Variants in WDR11 observed in about 807,000 individuals in gnomAD.
WDR11 encodes the protein WD repeat-containing protein 11.
Under a neutral mutation model 151.2 loss-of-function variants are expected in WDR11, and 83 were observed. The ratio of observed to expected loss-of-function variants is 0.55; its 90% confidence interval spans 0.46 to 0.66. WDR11 has a LOEUF of 0.66. WDR11 is among the 30% of genes least tolerant of loss of function. The pLI, the probability that WDR11 is intolerant of heterozygous loss-of-function variation, is 0.00. For missense variants in WDR11, 1,301 were observed against 1,480.9 expected, an observed-to-expected ratio of 0.88 and a Z score of 1.99; for synonymous variants, 484 against 533.1, an observed-to-expected ratio of 0.91 and a Z score of 1.27.
At chr10:120,897,887 G>A (rs1043508892) in intron 19 of WDR11, among the ~76,000 whole-genome samples, 1 of 151,922 alleles carries the variant, frequency 6.6e-6, no homozygotes, top group Non-Finnish European at 1.5e-5. Flanking sequence ...AAATTCTTGG[G>A]TGTAAAAAAA....
chr10:120,866,648 C>T lies in WDR11; in HGVS notation c.1074C>T (p.Pro358=). The T allele has an allele frequency of 6.2e-7, 1 of 1,614,196 alleles. No homozygotes were observed. Among genetic ancestry groups the T allele is most frequent in the Non-Finnish European group, 8.5e-7 (1 of 1,180,040 alleles). The part of the protein sequence containing the change: ...DAIRVTKTVR[P]FSMVCCPVNE... ...TCAGGGTGACAAAAACCGTCCGTCCCTTCAGTATGGTGTGCTGTCCTGTCA... is the reference window on the plus strand; with the variant it reads ...TCAGGGTGACAAAAACCGTCCGTCCTTTCAGTATGGTGTGCTGTCCTGTCA... Residue 358 remains proline, a synonymous_variant, in exon 8 of 29, where the codon CCC becomes CCT. Coordinates refer to ENST00000263461, the MANE Select transcript of WDR11 (RefSeq NM_018117.12).
intron 28 of WDR11, 115 bp from the exon 29 acceptor site, chr10:120,908,441 G>C: frequency 9.1e-7 from 1 of 1,097,912 alleles, no homozygotes; most frequent in East Asian, 2.4e-5. Context: ...GTGGACACCA[G>C]GTCCCTTCCG....
chr10:120,851,476 T>G lies in WDR11; in HGVS notation c.56T>G (p.Leu19Arg). 6.2e-7 allele frequency: 1 copy of G among 1,612,194 alleles called. No individual in the cohort carries two copies. Among genetic ancestry groups the G allele is most frequent in the Non-Finnish European group, 8.5e-7 (1 of 1,179,748 alleles). The change falls in exon 1 of 29, where the codon CTC becomes CGC. Residue 19 changes from leucine (L) to arginine (R), a missense_variant. By Grantham distance (102) the Leu-to-Arg change is moderately radical. Transcript: ENST00000263461. ...KVSARTLTGALNAHNKAAVDW... is the reference protein window; with the variant it reads ...KVSARTLTGARNAHNKAAVDW... ...TCGGCGCGCACCCTCACGGGGGCCC[T>G]CAACGCCCACAACAAGGCGGCGGTG...
intron 28 of WDR11, chr10:120,907,424 G>C (rs1280938612): frequency 6.3e-6 from 1 of 158,744 alleles, no homozygotes; most frequent in Non-Finnish European, 1.4e-5. Flanking sequence ...TCTTTGAAAA[G>C]AATGAACTTG....
chr10:120,875,975 T>C (rs1255509898), intron 11 of WDR11, among the ~76,000 whole-genome samples: 2 of 138,178 alleles, frequency 1.4e-5, no homozygotes, highest in East Asian at 4.4e-4. Flanking sequence ...TAACCTTTTT[T>C]TTCTTTTTTT....
At chr10:120,900,236 T>C (rs1386130167) in intron 20 of WDR11, 99 bp downstream of exon 20, 6 of 1,057,360 alleles carry the variant, frequency 5.7e-6, no homozygotes, top group African/African-American at 3.1e-5. Flanking sequence ...TTAAAGGGAA[T>C]GGAGCCTTTA....
chr10:120,905,534 C>T, intron 26 of WDR11, 118 bp downstream of exon 26: 1 of 1,040,220 alleles, frequency 9.6e-7, no homozygotes, highest in Non-Finnish European at 1.5e-6. Flanking sequence ...TTTGCAAATA[C>T]TGTCTTGGAA....
intron 3 of WDR11, 32 bp from the exon 4 acceptor site, chr10:120,860,077 G>T: frequency 6.2e-7 from 1 of 1,613,926 alleles, no homozygotes; most frequent in South Asian, 1.1e-5. Flanking sequence ...TGTGGTTTCT[G>T]AATTTTGCCT....
At position 120,900,063 on chromosome 10, in the gene WDR11, G is replaced by T; in HGVS notation, c.2550G>T (p.Arg850Ser). ...GGTGCCCCTATCTCCTTGTTCCAAG[G>T]GCCTCTCTTGCCTTGAAAGCCTTCT... ...PVWCPYLLVPRASLALKAFLL... is the reference protein window; with the variant it reads ...PVWCPYLLVPSASLALKAFLL... Residue 850 changes from arginine (R) to serine (S), a missense_variant, in exon 20 of 29, where the codon AGG (arginine) becomes AGT (serine). Around this residue, in one of 3 missense-constraint regions of WDR11, gnomAD observed 589 missense variants for 670.6 expected, o/e 0.88. Coordinates refer to ENST00000263461, the MANE Select transcript of WDR11 (RefSeq NM_018117.12). 6.2e-7 allele frequency: 1 copy of T among 1,614,016 alleles called. No homozygotes were observed. Among genetic ancestry groups the T allele is most frequent in the Non-Finnish European group, 8.5e-7 (1 of 1,179,968 alleles).
At chr10:120,869,569 GA>G (rs1438428071) in intron 9 of WDR11, among the ~76,000 whole-genome samples, 2 of 152,114 alleles carry the variant, frequency 1.3e-5, no homozygotes, top group Non-Finnish European at 2.9e-5. Context: ...TGTTCTTAGT[GA>G]AAATTCAAAG....
Position 120,894,101 on chromosome 10 carries a change from C to T in WDR11, c.2515+3214C>T, listed in dbSNP as rs556943525. Among the ~76,000 whole-genome samples the T allele has an allele frequency of 3.4e-4, 51 of 151,158 alleles. No homozygotes were observed. In the East Asian group the frequency reaches 4.9e-3, roughly 15 times the overall value. On this transcript the variant is annotated intron_variant, in intron 19 of 28. Transcript: ENST00000263461. ...ATGAAGTCCTTGCCCATGCCTATGTCCTGAATGGTATTGCCTAGGTTTTCT... is the reference window on the plus strand; with the variant it reads ...ATGAAGTCCTTGCCCATGCCTATGTTCTGAATGGTATTGCCTAGGTTTTCT...
chr10:120,880,548 A>G (rs909198310), intron 12 of WDR11: 9 of 373,680 alleles, frequency 2.4e-5, no homozygotes, highest in Non-Finnish European at 4.6e-5. Context: ...AATCCCAGCT[A>G]CTCGGGATGC....
intron 19 of WDR11, among the ~76,000 whole-genome samples, chr10:120,897,954 A>G (rs1847674995): frequency 6.6e-6 from 1 of 152,348 alleles, no homozygotes; most frequent in South Asian, 2.1e-4. Context: ...AAAAATCCAC[A>G]TAAAATATTT....
intron 11 of WDR11, among the ~76,000 whole-genome samples, chr10:120,874,184 TTTTTTTTTGTTGTTGTTGTTGTTG>T (rs1846654008): frequency 3.2e-5 from 2 of 62,344 alleles, no homozygotes; most frequent in African/African-American, 5.1e-5. Flanking sequence ...CAGTTTTTTT[TTTTTTTTTGTTGTTGTTGTTGTTG>T]TTTGTTTTGT....
In WDR11 at chr10:120,908,593, GAGTTTGAAGAACCTCGGTTTTA is replaced by G; in HGVS notation, c.3558_3579del (p.Leu1187ArgfsTer18). 6.2e-7 allele frequency: 1 copy of G among 1,614,184 alleles called. No individual in the cohort carries two copies. On this transcript the variant is annotated frameshift_variant, in exon 29 of 29. Coordinates refer to ENST00000263461, the MANE Select transcript of WDR11 (RefSeq NM_018117.12). LOFTEE classifies it high-confidence loss of function. ...CTGCTATATATGCAGATTATGCCCG[GAGTTTGAAGAACCTCGGTTTTA>G]AGCAGGGAGCAGTTCTCTTTGCTTC... is the stretch of plus-strand genomic sequence containing the variant.
At chr10:120,869,517 T>C (rs10666990) in intron 9 of WDR11, among the ~76,000 whole-genome samples, 1 of 151,612 alleles carries the variant, frequency 6.6e-6, no homozygotes, top group African/African-American at 2.4e-5. Context: ...GAAAACATTT[T>C]AATTTAAACT....
At position 120,873,881 on chromosome 10, in the gene WDR11, G is replaced by C; in HGVS notation, c.1514G>C (p.Gly505Ala). Reference protein sequence around the residue: ...GSVLVYHLTSGLLHKELSIHS... With the variant: ...GSVLVYHLTSALLHKELSIHS... The stretch of plus-strand genomic sequence containing the variant: ...GTCCTGGTGTACCATCTCACCAGTG[G>C]TCTGCTACACAAAGAGTTAAGCATC... The change falls in exon 11 of 29, where the codon GGT becomes GCT. Residue 505 changes from glycine (G) to alanine (A), a missense_variant. Transcript: ENST00000263461. 6.2e-7 allele frequency: 1 copy of C among 1,613,468 alleles called. No individual in the cohort carries two copies. The highest frequency in any genetic ancestry group is 8.5e-7 in the Non-Finnish European group (1 of 1,179,560).
In WDR11 at chr10:120,867,141, C is replaced by A. The variant is rs561143455; in HGVS notation, c.1266C>A (p.Leu422=). 1 of 1,613,700 alleles carries A rather than the reference C, an allele frequency of 6.2e-7. No homozygotes were observed. The highest frequency in any genetic ancestry group is 8.5e-7 in the Non-Finnish European group (1 of 1,179,780). The part of the protein sequence containing the change: ...GIPVGVLQNK[L]PDLSLDNMIG... ...CTGTAGGAGTGCTACAGAATAAACTCCCAGACCTTTCCTTAGATAACATGA... is the reference window on the plus strand; with the variant it reads ...CTGTAGGAGTGCTACAGAATAAACTACCAGACCTTTCCTTAGATAACATGA... Residue 422 remains leucine, a synonymous_variant, in exon 9 of 29, where the codon CTC becomes CTA. Transcript: ENST00000263461.
intron 16 of WDR11, among the ~76,000 whole-genome samples, chr10:120,887,090 A>G (rs574604268): frequency 1.3e-5 from 2 of 152,312 alleles, no homozygotes; most frequent in East Asian, 1.9e-4. Context: ...CATTTTACCC[A>G]TAACAAAACT....
Sources: gnomAD v4.1 joint callset for allele counts (sites outside exome capture counted in the v4.1 genomes callset) on GRCh38, gnomAD v4.1.1 for gene constraint, gnomAD v4.1.1 regional missense constraint, MANE v1.5 for transcripts, NCBI Gene and HGNC (gene_info 2026-07-23, HGNC 2026-07-21) for gene names.